IHO1: variants seen among roughly 807,000 people sequenced by gnomAD.
IHO1 encodes interactor of HORMAD1 1.
Under a neutral mutation model 31.0 loss-of-function variants are expected in IHO1, and 13 were observed. The observed-to-expected ratio is 0.42, with a 90% confidence interval of 0.27 to 0.67. The LOEUF (loss-of-function observed/expected upper bound fraction) is 0.67. IHO1 is among the 30% of genes least tolerant of loss of function. The pLI, the probability that IHO1 is intolerant of heterozygous loss-of-function variation, is 0.24. For synonymous variants in IHO1, 221 were observed against 248.4 expected (o/e 0.89, Z 1.04); for missense variants, 599 against 687.5 (o/e 0.87, Z 1.44).
At chr3:49,255,558 C>CTTT (rs11344456) in intron 7 of IHO1, 65 bp downstream of exon 7, 162 of 354,656 alleles carry the variant, frequency 4.6e-4, no homozygotes, top group South Asian at 8.5e-4. Flanking sequence ...CAGAGAGAAA[C>CTTT]TTTTTTTTTT....
chr3:49,215,879 T>TAA (rs1363759651), intron 2 of IHO1, among the ~76,000 whole-genome samples: 2 of 152,196 alleles, frequency 1.3e-5, no homozygotes, highest in Admixed American at 6.5e-5. Flanking sequence ...TTTCAAGCTT[T>TAA]AACAGGAGAA....
rs368924057 is a variant in IHO1 at position 49,212,079 on chromosome 3, G to C, written c.56+243G>C. On this transcript the variant is annotated intron_variant, in intron 2 of 7. Transcript: ENST00000452691. ...CTCAGGAGGCTGAGGTAGGAGAATG[G>C]CGTGAACCTGGGAGGTGGAGCTTGC... Among the ~76,000 whole-genome samples, 48 of 151,820 alleles carry C rather than the reference G, an allele frequency of 3.2e-4. No individual in the cohort carries two copies. The South Asian group carries it at 9.8e-3, about 31-fold the overall frequency.
In IHO1 at chr3:49,256,069, AT is replaced by A; in HGVS notation, c.637-64del. 1 of 1,376,168 alleles carries A rather than the reference AT, an allele frequency of 7.3e-7. No homozygotes were observed. The highest frequency in any genetic ancestry group is 1.4e-5 in the African/African-American group (1 of 69,290). The allele number at this position is 1,376,168 out of a possible 1,614,324, so 85.2% of individuals were successfully genotyped here. On this transcript the variant is annotated intron_variant, in intron 7 of 7. Coordinates refer to ENST00000452691, the MANE Select transcript of IHO1 (RefSeq NM_001135197.2). This position sits in a 1 kb window ranked among gnomAD's most constrained non-coding sequence, Gnocchi z 4.6. ...CTGTCACATCCATTGGTCTGTTCTCATGTTTTATTGTGCTTTCTGACTTGCA... is the reference window on the plus strand; with the variant it reads ...CTGTCACATCCATTGGTCTGTTCTCAGTTTTATTGTGCTTTCTGACTTGCA...
chr3:49,208,361 G>A (rs1391259788), intron 1 of IHO1, among the ~76,000 whole-genome samples: 2 of 152,298 alleles, frequency 1.3e-5, no homozygotes, highest in East Asian at 3.9e-4. Flanking sequence ...CAGGTCAGTG[G>A]CAGCATTAGA....
In IHO1 at chr3:49,257,398, C is replaced by T. The variant is rs1270612343; in HGVS notation, c.*116C>T. On this transcript the variant is annotated 3_prime_UTR_variant, in exon 8 of 8. Transcript: ENST00000452691. The stretch of plus-strand genomic sequence containing the variant: ...CAAGTACCCAGGGTCAGAGGCCCTG[C>T]TGAGGTGGGGCAATGAGCACGAGGG... The T allele has an allele frequency of 1.9e-6, 2 of 1,038,952 alleles. No individual in the cohort carries two copies. The highest frequency in any genetic ancestry group is 2.8e-6 in the Non-Finnish European group (2 of 703,032). 64.4% of individuals were successfully genotyped at this position (1,038,952 alleles called of 1,614,324 possible).
chr3:49,207,479 T>G (rs1375544409), intron 1 of IHO1, among the ~76,000 whole-genome samples: 1 of 151,972 alleles, frequency 6.6e-6, no homozygotes, highest in Non-Finnish European at 1.5e-5. Flanking sequence ...CTTTTGACCT[T>G]GTGATCTGCC....
intron 2 of IHO1, among the ~76,000 whole-genome samples, chr3:49,228,976 G>A (rs2046450071): frequency 6.6e-6 from 1 of 151,988 alleles, no homozygotes; most frequent in Non-Finnish European, 1.5e-5. Flanking sequence ...GTGCTGATTG[G>A]GCCATTTTAC....
chr3:49,209,899 G>A (rs944670006), intron 1 of IHO1, among the ~76,000 whole-genome samples: 1 of 151,258 alleles, frequency 6.6e-6, no homozygotes, highest in African/African-American at 2.4e-5. Flanking sequence ...TATTGTTTTA[G>A]TAGAGACAGG....
intron 6 of IHO1, 62 bp from the exon 7 acceptor site, chr3:49,255,328 G>T: frequency 8.6e-7 from 1 of 1,167,140 alleles, no homozygotes; most frequent in South Asian, 1.4e-5. Context: ...TCTGTGGTTT[G>T]GGCAGATGGG....
rs1004194968 is a variant in IHO1 at position 49,228,203 on chromosome 3, C to T, written c.57-8345C>T. On this transcript the variant is annotated intron_variant, in intron 2 of 7. Coordinates refer to ENST00000452691, the MANE Select transcript of IHO1 (RefSeq NM_001135197.2). Reference sequence around the variant, plus strand: ...TGACTTTGAGAGTTCTACTCACAGCCGCAGGGTCAACCAACTTGTTGTCGG... The same window carrying T: ...TGACTTTGAGAGTTCTACTCACAGCTGCAGGGTCAACCAACTTGTTGTCGG... The T allele has an allele frequency of 8.6e-5, 31 of 358,550 alleles. No homozygotes were observed. In the East Asian group the frequency reaches 2.2e-3, roughly 25 times the overall value. 22.2% of individuals were successfully genotyped at this position (358,550 alleles called of 1,614,324 possible). A position where few individuals can be genotyped will look rare whatever the true frequency, so the allele number is the denominator to read the frequency against.
intron 2 of IHO1, among the ~76,000 whole-genome samples, chr3:49,219,570 A>G (rs972085347): frequency 6.6e-6 from 1 of 151,580 alleles, no homozygotes; most frequent in African/African-American, 2.4e-5. Flanking sequence ...CCCTTTCCAC[A>G]CTCTATATTT....
chr3:49,218,243 AAAG>A (rs1168202193), intron 2 of IHO1, among the ~76,000 whole-genome samples: 1 of 151,920 alleles, frequency 6.6e-6, no homozygotes, highest in Non-Finnish European at 1.5e-5. Flanking sequence ...CTCCGTCTGC[AAAG>A]AAGGACAGCT....
At position 49,244,419 on chromosome 3, in the gene IHO1, C is replaced by T. The variant is rs368487966; in HGVS notation, c.411C>T (p.Asn137=). ...CCTATTCTAGTGAGACTCTATACAA[C>T]TTTGTTTCTAATGTTAGAGAAAGCA... The part of the protein sequence containing the change: ...KDKCDSETLY[N]FVSNVRESIL... The change falls in exon 5 of 8, where the codon AAC becomes AAT. Residue 137 remains asparagine (N), a synonymous_variant. Transcript: ENST00000452691. 3.5e-5 allele frequency: 54 copies of T among 1,556,892 alleles called. No individual in the cohort carries two copies. Among genetic ancestry groups the T allele is most frequent in the Non-Finnish European group, 4.6e-5 (52 of 1,140,158 alleles).
At chr3:49,238,723 G>T (rs1461016309) in intron 3 of IHO1, among the ~76,000 whole-genome samples, 1 of 152,172 alleles carries the variant, frequency 6.6e-6, no homozygotes, top group South Asian at 2.1e-4. Context: ...ACTCAAGCTC[G>T]TCTTGTGACC....
At chr3:49,230,474 T>C (rs2046467948) in intron 2 of IHO1, among the ~76,000 whole-genome samples, 1 of 152,252 alleles carries the variant, frequency 6.6e-6, no homozygotes, top group Non-Finnish European at 1.5e-5. Context: ...GCATTTTCAC[T>C]GGAAAGTGTT....
intron 2 of IHO1, among the ~76,000 whole-genome samples, chr3:49,216,206 A>G (rs964012235): frequency 7.2e-5 from 11 of 152,202 alleles, no homozygotes; most frequent in Non-Finnish European, 1.2e-4. Context: ...CAATTTTTCC[A>G]CAGACCAGGA....
Position 49,211,832 on chromosome 3 carries a change from T to C in IHO1, c.52T>C (p.Ser18Pro), listed in dbSNP as rs1268818717. ...IKEMLSIPSG[S>P]GNKKSSNWNN... is the part of the protein sequence containing the mutation. ...AGAGATGCTCAGTATTCCTTCAGGCTCTGGGTAAGTTTTCTGGTTATATTG... is the reference window on the plus strand; with the variant it reads ...AGAGATGCTCAGTATTCCTTCAGGCCCTGGGTAAGTTTTCTGGTTATATTG... Residue 18 changes from serine to proline, a missense_variant, in exon 2 of 8, where the codon TCT (serine) becomes CCT (proline). Physicochemically the swap from Ser to Pro is moderately conservative, Grantham distance 74. Transcript: ENST00000452691. 6 of 1,565,176 alleles carry C rather than the reference T, an allele frequency of 3.8e-6. No homozygotes were observed. Among genetic ancestry groups the C allele is most frequent in the Non-Finnish European group, 4.4e-6 (5 of 1,135,788 alleles).
At chr3:49,251,287 A>ATTT (rs1190363805) in intron 6 of IHO1, among the ~76,000 whole-genome samples, 7 of 122,810 alleles carry the variant, frequency 5.7e-5, no homozygotes, top group Non-Finnish European at 1.2e-4. Flanking sequence ...TGCCTGGCTA[A>ATTT]TTTTTTTTTT....
At chr3:49,225,858 C>T (rs1251625144) in intron 2 of IHO1, among the ~76,000 whole-genome samples, 1 of 152,118 alleles carries the variant, frequency 6.6e-6, no homozygotes, top group Non-Finnish European at 1.5e-5. Context: ...TTTCCTGGCC[C>T]TCGATGGTTA....
Sources: allele counts gnomAD v4.1 joint callset (sites outside exome capture counted in the v4.1 genomes callset), GRCh38; gene constraint gnomAD v4.1.1; non-coding constraint Gnocchi (gnomAD v3.1); transcripts MANE v1.5; gene names NCBI Gene and HGNC (gene_info 2026-07-23, HGNC 2026-07-21).